The following THSD7B variants were observed in gnomAD, a reference collection of about 807,000 sequenced individuals.
The protein encoded by THSD7B is thrombospondin type 1 domain containing 7B, also known as thrombospondin type-1 domain-containing protein 7B.
A neutral mutation model predicts 213.6 loss-of-function variants in THSD7B; 138 were observed. The observed-to-expected ratio is 0.65, with a 90% confidence interval of 0.56 to 0.74. The LOEUF (loss-of-function observed/expected upper bound fraction) is 0.74. THSD7B is among the 30% of genes least tolerant of loss of function. THSD7B has a pLI of 0.00. For missense variants in THSD7B, 1,931 were observed against 1,991.5 expected (o/e 0.97, Z 0.58); for synonymous variants, 742 against 687.0 (o/e 1.08, Z -1.25).
intron 2 of THSD7B, among the ~76,000 whole-genome samples, chr2:137,020,912 A>G (rs1686432237): frequency 1.3e-5 from 2 of 152,160 alleles, no homozygotes; most frequent in South Asian, 4.1e-4. Context: ...ATTTTAAAAG[A>G]TGGGAGTTTA....
At chr2:136,989,605 T>A (rs546898097) in intron 2 of THSD7B, among the ~76,000 whole-genome samples, 2 of 152,278 alleles carry the variant, frequency 1.3e-5, no homozygotes, top group Non-Finnish European at 2.9e-5. Context: ...TTACCCAGCC[T>A]CAGGTATTCC....
chr2:137,112,230 G>GA (rs557491497), intron 4 of THSD7B, among the ~76,000 whole-genome samples: 45 of 151,664 alleles, frequency 3.0e-4, no homozygotes, highest in African/African-American at 8.9e-4. Context: ...TAGGGCTTTT[G>GA]AAAAAAATAA....
At chr2:137,281,607 T>C (rs1183299190) in intron 12 of THSD7B, among the ~76,000 whole-genome samples, 1 of 140,568 alleles carries the variant, frequency 7.1e-6, no homozygotes, top group Non-Finnish European at 1.5e-5. Flanking sequence ...CTTGTGTCCA[T>C]GTGTTCTCAT....
At chr2:137,674,851 G>T (rs1334085862) in intron 27 of THSD7B, among the ~76,000 whole-genome samples, 1 of 152,128 alleles carries the variant, frequency 6.6e-6, no homozygotes, top group Non-Finnish European at 1.5e-5. Context: ...AGAATCTGCA[G>T]TTCCTTTTAG....
intron 20 of THSD7B, among the ~76,000 whole-genome samples, chr2:137,625,474 T>TAAA (rs112693288): frequency 8.7e-5 from 13 of 150,056 alleles, no homozygotes; most frequent in Admixed American, 4.0e-4. Flanking sequence ...TGAAGTATAA[T>TAAA]TAAAAAAAAA....
intron 2 of THSD7B, among the ~76,000 whole-genome samples, chr2:136,976,117 T>A (rs1015620771): frequency 6.6e-6 from 1 of 152,234 alleles, no homozygotes; most frequent in South Asian, 2.1e-4. Context: ...GATCATGTCA[T>A]CTGCAAACAA....
At chr2:137,519,400 C>T (rs1680136408) in intron 15 of THSD7B, among the ~76,000 whole-genome samples, 1 of 152,158 alleles carries the variant, frequency 6.6e-6, no homozygotes, top group South Asian at 2.1e-4. Context: ...CTGCTGAAAC[C>T]ATGGCAGGTG....
At chr2:137,299,454 T>C (rs961772489) in intron 12 of THSD7B, among the ~76,000 whole-genome samples, 9 of 147,272 alleles carry the variant, frequency 6.1e-5, no homozygotes, top group African/African-American at 2.0e-4. Context: ...ATGATTGGTT[T>C]TGAAATGTGA....
intron 2 of THSD7B, among the ~76,000 whole-genome samples, chr2:137,053,990 A>T (rs1213322411): frequency 1.3e-5 from 2 of 152,218 alleles, no homozygotes; most frequent in Non-Finnish European, 2.9e-5. Context: ...ATGGTCTGAC[A>T]TGATGGACAA....
intron 9 of THSD7B, among the ~76,000 whole-genome samples, chr2:137,240,503 C>G (rs1573906532): frequency 1.3e-5 from 2 of 151,600 alleles, no homozygotes; most frequent in East Asian, 3.9e-4. Context: ...TTCTCTCACT[C>G]TCTCTCTCTC....
At position 137,183,556 on chromosome 2, in the gene THSD7B, C is replaced by T. The variant is rs546526359; in HGVS notation, c.1723+12618C>T. Reference sequence around the variant, plus strand: ...TAGCCCACATTATAGTCTGAGATCACGTTCTTAAAAAGAATGACTTGTTTT... The same window carrying T: ...TAGCCCACATTATAGTCTGAGATCATGTTCTTAAAAAGAATGACTTGTTTT... On this transcript the variant is annotated intron_variant, in intron 7 of 27. Transcript: ENST00000409968. Among the ~76,000 whole-genome samples, 269 of 152,154 alleles carry T rather than the reference C, an allele frequency of 1.8e-3. No homozygotes were observed. The Middle Eastern group carries it at 0.02, about 12-fold the overall frequency.
At chr2:137,435,331 G>A (rs779659518) in intron 14 of THSD7B, among the ~76,000 whole-genome samples, 1 of 152,132 alleles carries the variant, frequency 6.6e-6, no homozygotes, top group African/African-American at 2.4e-5. Context: ...ATTTCATAAC[G>A]TCTGTTTATC....
intron 7 of THSD7B, among the ~76,000 whole-genome samples, chr2:137,197,918 T>G (rs1370188236): frequency 2.0e-5 from 3 of 152,190 alleles, no homozygotes; most frequent in Non-Finnish European, 4.4e-5. Flanking sequence ...TCAAATGACC[T>G]GGACAATTTC....
At chr2:136,841,593 CAAAA>C (rs534991799) in intron 1 of THSD7B, among the ~76,000 whole-genome samples, 4 of 93,182 alleles carry the variant, frequency 4.3e-5, no homozygotes, top group Non-Finnish European at 6.0e-5. Flanking sequence ...AAGACTCCAT[CAAAA>C]AAAAAAAAAA....
chr2:136,797,351 C>T (rs1358385817), intron 1 of THSD7B, among the ~76,000 whole-genome samples: 1 of 151,878 alleles, frequency 6.6e-6, no homozygotes, highest in Admixed American at 6.6e-5. Context: ...ATTAAATAAC[C>T]CTTCCATGTT....
intron 12 of THSD7B, among the ~76,000 whole-genome samples, chr2:137,329,277 A>G (rs1684439918): frequency 6.6e-6 from 1 of 152,210 alleles, no homozygotes; most frequent in Non-Finnish European, 1.5e-5. Flanking sequence ...CTTGTTATGT[A>G]AAGAGACTGA....
chr2:137,048,043 T>G, intron 2 of THSD7B, among the ~76,000 whole-genome samples: 1 of 152,128 alleles, frequency 6.6e-6, no homozygotes, highest in East Asian at 1.9e-4. Context: ...TTTCTCCTAA[T>G]GCTATCCCTC....
At chr2:137,290,792 C>A (rs1272803263) in intron 12 of THSD7B, among the ~76,000 whole-genome samples, 1 of 152,142 alleles carries the variant, frequency 6.6e-6, no homozygotes, top group Non-Finnish European at 1.5e-5. Context: ...TGCATCTCCA[C>A]TGATCCATTA....
intron 7 of THSD7B, among the ~76,000 whole-genome samples, chr2:137,179,037 C>G (rs1680407475): frequency 1.3e-5 from 2 of 152,218 alleles, no homozygotes; most frequent in South Asian, 2.1e-4. Context: ...CTTTTTCTAT[C>G]TCTTCTGAAA....
Sources: allele counts gnomAD v4.1 joint callset (sites outside exome capture counted in the v4.1 genomes callset), GRCh38; gene constraint gnomAD v4.1.1; transcripts MANE v1.5; gene names NCBI Gene and HGNC (gene_info 2026-07-23, HGNC 2026-07-21).